The following CFAP107 variants were observed in gnomAD, a reference collection of about 807,000 sequenced individuals.
CFAP107 encodes the protein cilia- and flagella-associated protein 107.
chr1:12,755,822 G>C, the CFAP107 span: 5 of 1,589,764 alleles, frequency 3.1e-6, no homozygotes, highest in African/African-American at 4.0e-5. Flanking sequence ...AGGTAAGAGG[G>C]AGTGGCAACT....
chr1:12,757,481 G>C, the CFAP107 span, among the ~76,000 whole-genome samples: 1 of 151,640 alleles, frequency 6.6e-6, no homozygotes, highest in African/African-American at 2.4e-5. Context: ...TCCTGGGTTG[G>C]AACAATTCTC....
chr1:12,749,025 T>C, the CFAP107 span, among the ~76,000 whole-genome samples: 1 of 152,154 alleles, frequency 6.6e-6, no homozygotes, highest in Non-Finnish European at 1.5e-5. Context: ...AAGGGACTTA[T>C]GGGACACTAT....
chr1:12,758,000 C>T, the CFAP107 span, among the ~76,000 whole-genome samples: 2 of 152,138 alleles, frequency 1.3e-5, no homozygotes, highest in Admixed American at 1.3e-4. Flanking sequence ...TCCCCTAGGG[C>T]CCAGAGCCCA....
the CFAP107 span, among the ~76,000 whole-genome samples, chr1:12,751,089 G>A: frequency 6.6e-6 from 1 of 151,864 alleles, no homozygotes; most frequent in African/African-American, 2.4e-5. Context: ...TTAAAAAATA[G>A]TAATGAAAAT....
chr1:12,756,565 C>T, the CFAP107 span, among the ~76,000 whole-genome samples: 1 of 152,158 alleles, frequency 6.6e-6, no homozygotes, highest in Non-Finnish European at 1.5e-5. Flanking sequence ...TGTGCTCTGT[C>T]CCCACCACAC....
At chr1:12,758,966 T>A in the CFAP107 span, among the ~76,000 whole-genome samples, 3 of 152,184 alleles carry the variant, frequency 2.0e-5, no homozygotes, top group Admixed American at 2.0e-4. Context: ...CAAATCAGGC[T>A]GCAATTTCAG....
the CFAP107 span, among the ~76,000 whole-genome samples, chr1:12,748,676 G>A: frequency 4.2e-4 from 63 of 151,110 alleles, no homozygotes; most frequent in Middle Eastern, 0.01. Flanking sequence ...ATCACCAGAC[G>A]TATGAAGATA....
the CFAP107 span, chr1:12,759,408 C>G: frequency 1.9e-6 from 3 of 1,614,174 alleles, 1 homozygote; most frequent in East Asian, 2.2e-5. Flanking sequence ...ATGGTTACAA[C>G]CCGGGGCTGC....
chr1:12,748,748 C>A, the CFAP107 span, among the ~76,000 whole-genome samples: 2 of 152,036 alleles, frequency 1.3e-5, no homozygotes, highest in African/African-American at 4.8e-5. Flanking sequence ...ACACAAGCAT[C>A]AAGGTACTAG....
At chr1:12,756,104 G>A in the CFAP107 span, among the ~76,000 whole-genome samples, 1 of 152,210 alleles carries the variant, frequency 6.6e-6, no homozygotes, top group Non-Finnish European at 1.5e-5. Flanking sequence ...GCAACCAAAG[G>A]TAAATGATGC....
the CFAP107 span, chr1:12,746,244 C>T: frequency 2.0e-6 from 1 of 487,910 alleles, no homozygotes; most frequent in East Asian, 3.7e-5. Context: ...TCCCTAAAGG[C>T]TGACAGTGAA....
the CFAP107 span, chr1:12,753,542 G>GAA: frequency 3.3e-5 from 5 of 152,116 alleles, no homozygotes; most frequent in Admixed American, 3.3e-4. Flanking sequence ...TAGAACAAAA[G>GAA]AGAGAGCCTA....
At chr1:12,756,627 C>T in the CFAP107 span, among the ~76,000 whole-genome samples, 5 of 152,162 alleles carry the variant, frequency 3.3e-5, no homozygotes, top group Admixed American at 6.5e-5. Flanking sequence ...CTCTTATAAG[C>T]GATTTCTGTC....
chr1:12,754,778 T>G, the CFAP107 span, among the ~76,000 whole-genome samples: 2 of 152,228 alleles, frequency 1.3e-5, no homozygotes, highest in African/African-American at 4.8e-5. Context: ...CATTGTGTGA[T>G]TCTACTTACA....
At chr1:12,748,462 A>T in the CFAP107 span, among the ~76,000 whole-genome samples, 1,359 of 126,350 alleles carry the variant, frequency 0.011, 11 homozygotes, top group South Asian at 0.02. Flanking sequence ...TAGGGGAATT[A>T]AAAAAAAAAA....
At chr1:12,761,189 C>T in the CFAP107 span, 1 of 456,388 alleles carries the variant, frequency 2.2e-6, no homozygotes, top group Non-Finnish European at 3.9e-6. Context: ...TATGTACGTG[C>T]ACAAGACAGA....
At chr1:12,754,103 G>C in the CFAP107 span, among the ~76,000 whole-genome samples, 1 of 152,142 alleles carries the variant, frequency 6.6e-6, no homozygotes, top group Non-Finnish European at 1.5e-5. Context: ...TGGAGTAGGA[G>C]AGAATATTTG....
chr1:12,752,625 A>G, the CFAP107 span, among the ~76,000 whole-genome samples: 1 of 151,010 alleles, frequency 6.6e-6, no homozygotes, highest in Admixed American at 6.6e-5. Context: ...TGAAGGAAAA[A>G]AAGACATGAT....
At chr1:12,755,544 C>G in the CFAP107 span, among the ~76,000 whole-genome samples, 1 of 152,170 alleles carries the variant, frequency 6.6e-6, no homozygotes, top group Non-Finnish European at 1.5e-5. Flanking sequence ...GCTCCCCGTC[C>G]CCGAGCAAGC....
Sources: gnomAD v4.1 joint callset for allele counts (sites outside exome capture counted in the v4.1 genomes callset) on GRCh38, gnomAD v4.1.1 for gene constraint, MANE v1.5 for transcripts, NCBI Gene and HGNC (gene_info 2026-07-23, HGNC 2026-07-21) for gene names.